OR1J2: variants seen among roughly 807,000 people sequenced by gnomAD.
OR1J2 encodes the protein olfactory receptor family 1 subfamily J member 2.
For synonymous variants in OR1J2, 142 were observed against 99.7 expected, an observed-to-expected ratio of 1.42 and a Z score of -2.52; for missense variants, 304 against 246.1, an observed-to-expected ratio of 1.24 and a Z score of -1.57.
chr9:122,535,596 G>A, the OR1J2 span, among the ~76,000 whole-genome samples: 1 of 152,120 alleles, frequency 6.6e-6, no homozygotes, highest in Non-Finnish European at 1.5e-5. Flanking sequence ...AAAAGAGGCC[G>A]CTTACCGGAT....
chr9:122,568,289 G>C, the OR1J2 span: 4 of 1,614,028 alleles, frequency 2.5e-6, no homozygotes, highest in Non-Finnish European at 3.4e-6. Context: ...GAAAACTCAA[G>C]AAGAAATACA....
the OR1J2 span, among the ~76,000 whole-genome samples, chr9:122,542,314 G>A: frequency 0.011 from 1,610 of 152,230 alleles, 96 homozygotes; most frequent in Admixed American, 0.087. Flanking sequence ...AACATTTTGT[G>A]GGACATTTCG....
At chr9:122,472,449 AT>A in the OR1J2 span, among the ~76,000 whole-genome samples, 2 of 152,192 alleles carry the variant, frequency 1.3e-5, no homozygotes, top group African/African-American at 4.8e-5. Flanking sequence ...CAACTGGCAA[AT>A]TTTGTAGAAA....
the OR1J2 span, among the ~76,000 whole-genome samples, chr9:122,469,309 C>T: frequency 3.9e-4 from 59 of 152,228 alleles, 2 homozygotes; most frequent in East Asian, 4.1e-3. Context: ...GAGCAGTTTC[C>T]CCCATACCGT....
chr9:122,519,875 C>G, the OR1J2 span: 2 of 1,614,206 alleles, frequency 1.2e-6, no homozygotes, highest in Non-Finnish European at 1.7e-6. Context: ...GCTCTCACCT[C>G]TCTGTGGTGT....
the OR1J2 span, chr9:122,475,172 C>G: frequency 1.3e-5 from 2 of 152,248 alleles, no homozygotes; most frequent in Non-Finnish European, 2.9e-5. Context: ...CAGGGCCTCG[C>G]TAGGAGATAG....
the OR1J2 span, among the ~76,000 whole-genome samples, chr9:122,552,196 A>C: frequency 6.6e-6 from 1 of 151,356 alleles, no homozygotes. Context: ...TATGAACCAA[A>C]GAACAAATGG....
At chr9:122,549,227 A>T in the OR1J2 span, among the ~76,000 whole-genome samples, 2 of 152,052 alleles carry the variant, frequency 1.3e-5, no homozygotes, top group African/African-American at 4.8e-5. Flanking sequence ...TTAAGACAGC[A>T]TGGCATCCCT....
the OR1J2 span, chr9:122,519,311 C>T: frequency 1.2e-6 from 2 of 1,613,974 alleles, no homozygotes; most frequent in African/African-American, 2.7e-5. Flanking sequence ...ACCTTCACAC[C>T]CCCATGTTCT....
At chr9:122,458,110 T>C in the OR1J2 span, among the ~76,000 whole-genome samples, 3 of 152,264 alleles carry the variant, frequency 2.0e-5, no homozygotes, top group East Asian at 5.8e-4. Context: ...TTAGGATAGG[T>C]GTGTTGAATA....
the OR1J2 span, among the ~76,000 whole-genome samples, chr9:122,576,408 A>G: frequency 8.9e-6 from 1 of 111,898 alleles, no homozygotes; most frequent in Admixed American, 9.0e-5. Flanking sequence ...TTTTTTTTGT[A>G]TTTTTTAGTA....
the OR1J2 span, among the ~76,000 whole-genome samples, chr9:122,457,652 T>A: frequency 6.6e-6 from 1 of 151,812 alleles, no homozygotes; most frequent in East Asian, 1.9e-4. Context: ...TTAAATCAAC[T>A]TTAAAAAATA....
the OR1J2 span, among the ~76,000 whole-genome samples, chr9:122,565,266 C>T: frequency 6.6e-6 from 1 of 152,138 alleles, no homozygotes; most frequent in East Asian, 1.9e-4. Context: ...TGTGAATAGA[C>T]CTCTATGAAT....
chr9:122,557,008 G>A, the OR1J2 span, among the ~76,000 whole-genome samples: 141,886 of 152,208 alleles, frequency 0.93, 66,215 homozygotes, highest in East Asian at 0.98. Flanking sequence ...TGTAAATGGT[G>A]TTGTGTTTTT....
chr9:122,486,339 A>G, the OR1J2 span, among the ~76,000 whole-genome samples: 2 of 152,178 alleles, frequency 1.3e-5, no homozygotes, highest in Non-Finnish European at 1.5e-5. Context: ...TTATAGCACT[A>G]GTATATTGTG....
the OR1J2 span, chr9:122,519,926 C>T: frequency 6.2e-7 from 1 of 1,614,176 alleles, no homozygotes; most frequent in Non-Finnish European, 8.5e-7. Flanking sequence ...ATTTTCTCCC[C>T]TCATCCAGTG....
the OR1J2 span, among the ~76,000 whole-genome samples, chr9:122,450,246 C>A: frequency 1.3e-5 from 2 of 152,074 alleles, no homozygotes; most frequent in Non-Finnish European, 2.9e-5. Context: ...GCCTAGGCAA[C>A]GTGGCGAAAC....
the OR1J2 span, among the ~76,000 whole-genome samples, chr9:122,572,098 A>G: frequency 6.6e-6 from 1 of 152,110 alleles, no homozygotes; most frequent in South Asian, 2.1e-4. Flanking sequence ...GGCGCTACAC[A>G]CTTTTTAAAC....
downstream of OR1J2, among the ~76,000 whole-genome samples, chr9:122,515,121 G>T (rs1828681936): frequency 6.6e-6 from 1 of 152,136 alleles, no homozygotes; most frequent in Non-Finnish European, 1.5e-5. Context: ...TCCCTGGTGG[G>T]TAGAATAGAC....
Sources: gnomAD v4.1 joint callset for allele counts (sites outside exome capture counted in the v4.1 genomes callset) on GRCh38, gnomAD v4.1.1 for gene constraint, MANE v1.5 for transcripts, NCBI Gene and HGNC (gene_info 2026-07-23, HGNC 2026-07-21) for gene names.